The following CDH26 variants were observed in gnomAD, a reference collection of about 807,000 sequenced individuals.
The protein encoded by CDH26 is cadherin 26, also known as cadherin-like protein 26.
A neutral mutation model predicts 90.3 loss-of-function variants in CDH26; 83 were observed. The ratio of observed to expected loss-of-function variants is 0.92; its 90% CI spans 0.77 to 1.10. CDH26 has a LOEUF of 1.10. Among genes scored for constraint, CDH26 ranks in the 50% least tolerant of loss-of-function variants. The pLI, the probability that CDH26 is intolerant of heterozygous loss-of-function variation, is 0.00. For missense variants in CDH26, 1,013 were observed against 1,037.6 expected (o/e 0.98, Z 0.33); for synonymous variants, 397 against 396.3 (o/e 1.00, Z -0.02).
At chr20:59,962,539 T>A (rs1326423151) in intron 1 of CDH26, among the ~76,000 whole-genome samples, 3 of 152,196 alleles carry the variant, frequency 2.0e-5, no homozygotes, top group Non-Finnish European at 4.4e-5. Flanking sequence ...GCTCACTAGA[T>A]TAGGGCCCAC....
chr20:60,006,692 G>T (rs1003260669), intron 16 of CDH26, 21 bp from the exon 17 acceptor site: 7 of 1,599,568 alleles, frequency 4.4e-6, no homozygotes, highest in Non-Finnish European at 6.0e-6. Flanking sequence ...GTGGTATGAA[G>T]CTCTACTGGT....
rs1337799454 is a variant in CDH26 at position 60,012,582 on chromosome 20, A to G, written c.2351A>G (p.Tyr784Cys). ...EDDPGYLPHV[Y>C]SEEGECGGAP... ...GACCCCGGCTACCTACCTCACGTCT[A>G]CAGCGAGGAAGGGGAGTGTGGAGGG... Residue 784 changes from tyrosine to cysteine, a missense_variant, in exon 18 of 18, where the codon TAC (tyrosine) becomes TGC (cysteine). Coordinates refer to ENST00000348616, the MANE Select transcript of CDH26 (RefSeq NM_177980.4). 3.7e-6 allele frequency: 6 copies of G among 1,613,952 alleles called. No individual in the cohort carries two copies. Among genetic ancestry groups the G allele is most frequent in the Non-Finnish European group, 4.2e-6 (5 of 1,179,996 alleles).
At chr20:59,967,111 A>C (rs1456747070) in intron 1 of CDH26, among the ~76,000 whole-genome samples, 3 of 152,254 alleles carry the variant, frequency 2.0e-5, no homozygotes, top group African/African-American at 7.2e-5. Context: ...ACACAGATAC[A>C]TATAGTGAAG....
At chr20:59,980,557 C>T (rs1401970949) in intron 4 of CDH26, among the ~76,000 whole-genome samples, 1 of 152,190 alleles carries the variant, frequency 6.6e-6, no homozygotes, top group Non-Finnish European at 1.5e-5. Context: ...CTAGGCCTCC[C>T]AAAGTGCTGG....
chr20:59,980,865 A>G (rs1011739024), intron 4 of CDH26, among the ~76,000 whole-genome samples: 1 of 152,054 alleles, frequency 6.6e-6, no homozygotes, highest in Non-Finnish European at 1.5e-5. Flanking sequence ...TTTTTACTAA[A>G]AGTTTTATAG....
At position 60,012,773 on chromosome 20, in the gene CDH26, G is replaced by A. The variant is rs759841411; in HGVS notation, c.*43G>A. The A allele has an allele frequency of 8.2e-6, 13 of 1,581,330 alleles. No homozygotes were observed. Among genetic ancestry groups the A allele is most frequent in the Non-Finnish European group, 5.2e-6 (6 of 1,154,708 alleles). On this transcript the variant is annotated 3_prime_UTR_variant, in exon 18 of 18. Transcript: ENST00000348616. The stretch of plus-strand genomic sequence containing the variant: ...GGAGAATTGAAATAATTCATGGAAG[G>A]GAATCACTATTCAGGGATTTTTCCC...
Position 59,988,797 on chromosome 20 carries a change from A to C in CDH26, c.1024-107A>C, listed in dbSNP as rs868836154. The C allele has an allele frequency of 1.8e-5, 21 of 1,169,578 alleles. No homozygotes were observed. In the African/African-American group the frequency reaches 2.9e-4, roughly 16 times the overall value. 72.5% of individuals were successfully genotyped at this position (1,169,578 alleles called of 1,614,324 possible). On this transcript the variant is annotated intron_variant, in intron 8 of 17. Transcript: ENST00000348616. ...TCAAAGACAACGTAAATAATAAATGAAGTGCAAAAGCCACAAGCTCTGAGT... is the reference window on the plus strand; with the variant it reads ...TCAAAGACAACGTAAATAATAAATGCAGTGCAAAAGCCACAAGCTCTGAGT...
Position 59,996,068 on chromosome 20 carries a change from A to G in CDH26, c.1888+14A>G, listed in dbSNP as rs531740474. On this transcript the variant is annotated intron_variant, in intron 12 of 17. Coordinates refer to ENST00000348616, the MANE Select transcript of CDH26 (RefSeq NM_177980.4). The stretch of plus-strand genomic sequence containing the variant: ...TGGCTCTGGCAGGTCAGTGGTCTGT[A>G]GGGGTGTCCTGGGACTGTGGCTCCT... 12 of 1,609,000 alleles carry G rather than the reference A, an allele frequency of 7.5e-6. No individual in the cohort carries two copies. The East Asian group carries it at 8.9e-5, about 12-fold the overall frequency.
At chr20:60,001,724 G>C in intron 15 of CDH26, 1 of 699,078 alleles carries the variant, frequency 1.4e-6, no homozygotes, top group Non-Finnish European at 1.8e-6. Context: ...CATCTATAAA[G>C]TTAAAAGCAC....
rs2061879730 is a variant in CDH26 at position 60,013,849 on chromosome 20, A to AC, written c.*1121dup. The AC allele has an allele frequency of 6.6e-6, 1 of 152,154 alleles. No homozygotes were observed. Among genetic ancestry groups the AC allele is most frequent in the Non-Finnish European group, 1.5e-5 (1 of 68,018 alleles). 9.4% of individuals were successfully genotyped at this position (152,154 alleles called of 1,614,324 possible). A position where few individuals can be genotyped will look rare whatever the true frequency, so the allele number is the denominator to read the frequency against. ...AGATCTGGCCTTTTCCTACCTGGTT[A>AC]CCTCAGTCTTCCTCTGCTTTGGGAA... On this transcript the variant is annotated 3_prime_UTR_variant, in exon 18 of 18. Coordinates refer to ENST00000348616, the MANE Select transcript of CDH26 (RefSeq NM_177980.4).
At chr20:60,029,820 C>CT (rs1421009200) in intron 7 of CDH26, among the ~76,000 whole-genome samples, 1 of 152,078 alleles carries the variant, frequency 6.6e-6, no homozygotes, top group Admixed American at 6.6e-5. Context: ...TGAACTCATT[C>CT]TTTTTTACGG....
At position 59,994,438 on chromosome 20, in the gene CDH26, G is replaced by A. The variant is rs754473936; in HGVS notation, c.1615G>A (p.Asp539Asn). 6.2e-7 allele frequency: 1 copy of A among 1,614,054 alleles called. No homozygotes were observed. Among genetic ancestry groups the A allele is most frequent in the African/African-American group, 1.3e-5 (1 of 74,904 alleles). The change falls in exon 11 of 18, where the codon GAC becomes AAC. Residue 539 changes from aspartate to asparagine, a missense_variant. Asp to Asn is a conservative substitution (Grantham distance 23). Transcript: ENST00000348616. ...CTCTGACCCATTTACATTTGAATTG[G>A]ACAATACCTGGGGAAATGCGGAGGA... is the stretch of plus-strand genomic sequence containing the variant. ...PFSDPFTFELDNTWGNAEDTW... is the reference protein window; with the variant it reads ...PFSDPFTFELNNTWGNAEDTW...
At chr20:60,006,635 G>A in intron 16 of CDH26, 78 bp from the exon 17 acceptor site, 1 of 1,019,760 alleles carries the variant, frequency 9.8e-7, no homozygotes, top group South Asian at 1.3e-5. Context: ...CATCTATGCT[G>A]GGGCCACTGA....
intron 9 of CDH26, 22 bp downstream of exon 9, chr20:59,989,185 G>A (rs1316720721): frequency 1.2e-6 from 2 of 1,611,888 alleles, no homozygotes; most frequent in Non-Finnish European, 1.7e-6. Flanking sequence ...GGGCCAAGAA[G>A]GGCGGTTGTT....
downstream of CDH26, among the ~76,000 whole-genome samples, chr20:60,014,837 T>C (rs191948395): frequency 1.6e-4 from 25 of 152,358 alleles, 1 homozygote; most frequent in Admixed American, 1.6e-3. Flanking sequence ...TTTTGAATTA[T>C]ATTGTAGTTC....
intron 13 of CDH26, among the ~76,000 whole-genome samples, chr20:59,998,887 T>C (rs16983375): frequency 0.059 from 8,953 of 152,292 alleles, 882 homozygotes; most frequent in African/African-American, 0.2. Context: ...ATTATATCTC[T>C]GTAACCTTGG....
chr20:60,028,562 G>A (rs16983402), intron 7 of CDH26, among the ~76,000 whole-genome samples: 1 of 152,154 alleles, frequency 6.6e-6, no homozygotes, highest in Non-Finnish European at 1.5e-5. Context: ...GATTCAAAAC[G>A]CTGAGCAGGG....
In CDH26 at chr20:59,967,864, TCTTTCTTTCTTTCTTCCTTCCTTC is replaced by T. The variant is rs1197945099; in HGVS notation, c.70-1099_70-1076del. ...TTCTTTCTTTCTTTCTTTCTTTCTT[TCTTTCTTTCTTTCTTCCTTCCTTC>T]CTTCCTTCCTTCCTTCCTTCCTTTC... On this transcript the variant is annotated intron_variant, in intron 1 of 17. Coordinates refer to ENST00000348616, the MANE Select transcript of CDH26 (RefSeq NM_177980.4). 1.3e-3 allele frequency among the ~76,000 whole-genome samples: 144 copies of T among 114,894 alleles called. 3 individuals are homozygous for T. Among genetic ancestry groups the T allele is most frequent in the African/African-American group, 7.0e-3 (141 of 20,034 alleles). 75.4% of individuals were successfully genotyped at this position (114,894 alleles called of 152,430 possible). A position where few individuals can be genotyped will look rare whatever the true frequency, so the allele number is the denominator to read the frequency against.
At chr20:59,962,942 G>A (rs1191679627) in intron 1 of CDH26, among the ~76,000 whole-genome samples, 1 of 152,174 alleles carries the variant, frequency 6.6e-6, no homozygotes, top group African/African-American at 2.4e-5. Context: ...TATCAGTCTG[G>A]GACATGTAGG....
Sources: allele counts gnomAD v4.1 joint callset (sites outside exome capture counted in the v4.1 genomes callset), GRCh38; gene constraint gnomAD v4.1.1; transcripts MANE v1.5; gene names NCBI Gene and HGNC (gene_info 2026-07-23, HGNC 2026-07-21).